PRKCE: variants seen among roughly 807,000 people sequenced by gnomAD.
PRKCE encodes the protein protein kinase C epsilon, also known as protein kinase C epsilon type.
Under a neutral mutation model 85.4 loss-of-function variants are expected in PRKCE, and 16 were observed. That is an observed-to-expected ratio of 0.19 (90% confidence interval 0.13 to 0.28). PRKCE has a LOEUF of 0.28. PRKCE is among the 10% of genes least tolerant of loss of function. The pLI is 1.00. For missense variants in PRKCE, 573 were observed against 975.2 expected (o/e 0.59, Z 5.49); for synonymous variants, 388 against 371.5 (o/e 1.04, Z -0.51).
At chr2:45,835,247 C>T (rs995705203) in intron 1 of PRKCE, among the ~76,000 whole-genome samples, 1 of 152,182 alleles carries the variant, frequency 6.6e-6, no homozygotes, top group Non-Finnish European at 1.5e-5. Flanking sequence ...CGAAATAAAT[C>T]GTTTTTTTCC....
chr2:45,802,632 C>T (rs1451583273), intron 1 of PRKCE, among the ~76,000 whole-genome samples: 2 of 152,184 alleles, frequency 1.3e-5, no homozygotes, highest in African/African-American at 4.8e-5. Context: ...GGAGTAAGCC[C>T]TCCAGGGAAG....
At chr2:45,779,408 C>G (rs532435725) in intron 1 of PRKCE, among the ~76,000 whole-genome samples, 1 of 151,898 alleles carries the variant, frequency 6.6e-6, no homozygotes, top group Non-Finnish European at 1.5e-5. Flanking sequence ...TAGGGATGTC[C>G]GGGGGCGAGG....
At chr2:45,956,506 C>A (rs1167063038) in intron 2 of PRKCE, among the ~76,000 whole-genome samples, 1 of 151,294 alleles carries the variant, frequency 6.6e-6, no homozygotes, top group East Asian at 1.9e-4. Context: ...AATGGTGAAA[C>A]CCTGTCTCTA....
intron 2 of PRKCE, among the ~76,000 whole-genome samples, chr2:45,953,995 C>T (rs2104360032): frequency 6.6e-6 from 1 of 152,302 alleles, no homozygotes; most frequent in South Asian, 2.1e-4. Context: ...AGCTGCCCTT[C>T]CCTACTGCAA....
At chr2:46,182,138 A>T (rs1049054139) in intron 14 of PRKCE, among the ~76,000 whole-genome samples, 5 of 151,314 alleles carry the variant, frequency 3.3e-5, no homozygotes, top group Non-Finnish European at 7.4e-5. Flanking sequence ...GCCTTCTGGG[A>T]TGATACCCAG....
At chr2:45,924,595 C>G (rs996964157) in intron 2 of PRKCE, among the ~76,000 whole-genome samples, 1 of 152,200 alleles carries the variant, frequency 6.6e-6, no homozygotes, top group Admixed American at 6.5e-5. Flanking sequence ...AATGACAGGA[C>G]TCACTTCCCT....
chr2:46,151,279 C>CCACACA (rs750604006), intron 13 of PRKCE, 50 bp downstream of exon 13: 8 of 1,010,524 alleles, frequency 7.9e-6, no homozygotes, highest in African/African-American at 2.5e-5. Context: ...GCTCCTCCCC[C>CCACACA]TACACACACA....
chr2:45,657,539 T>C (rs1006716958), intron 1 of PRKCE, among the ~76,000 whole-genome samples: 1 of 152,138 alleles, frequency 6.6e-6, no homozygotes, highest in Non-Finnish European at 1.5e-5. Context: ...GCCCCCAAAA[T>C]GAGCATGGGG....
At position 46,085,698 on chromosome 2, in the gene PRKCE, A is replaced by G. The variant is rs542848417; in HGVS notation, c.1438-510A>G. Among the ~76,000 whole-genome samples the G allele has an allele frequency of 1.0e-3, 135 of 129,340 alleles. 23 individuals are homozygous for G. The highest frequency in any genetic ancestry group is 3.9e-3 in the African/African-American group (129 of 33,184). The allele number at this position is 129,340 out of a possible 152,430, so 84.9% of individuals were successfully genotyped here. A position where few individuals can be genotyped will look rare whatever the true frequency, so the allele number is the denominator to read the frequency against. On this transcript the variant is annotated intron_variant, in intron 10 of 14. Coordinates refer to ENST00000306156, the MANE Select transcript of PRKCE (RefSeq NM_005400.3). ...GCTGGTAATCCAGGATAACCTCCCT[A>G]TCTCAGGATCCTTCACTTAATTACA...
chr2:46,162,187 T>C (rs1677842597), intron 14 of PRKCE, among the ~76,000 whole-genome samples: 1 of 152,172 alleles, frequency 6.6e-6, no homozygotes, highest in African/African-American at 2.4e-5. Flanking sequence ...TATCCCTGGG[T>C]CAGGGGTCAG....
rs577830862 is a variant in PRKCE at position 45,781,813 on chromosome 2, G to A, written c.349-61187G>A. On this transcript the variant is annotated intron_variant, in intron 1 of 14. Coordinates refer to ENST00000306156, the MANE Select transcript of PRKCE (RefSeq NM_005400.3). ...TGTGGTGTCTAGGACACCACAGTGC[G>A]GGGTTACTTCTGTTAGTTATTAGAA... Among the ~76,000 whole-genome samples, 15 of 152,198 alleles carry A rather than the reference G, an allele frequency of 9.9e-5. No individual in the cohort carries two copies. The South Asian group carries it at 1.0e-3, about 11-fold the overall frequency.
rs1045683199 is a variant in PRKCE, at chr2:46,144,007, G to A, written c.1593-1086G>A. Among the ~76,000 whole-genome samples the A allele has an allele frequency of 2.0e-5, 3 of 152,184 alleles. 1 individual carries two copies. The highest frequency in any genetic ancestry group is 4.4e-5 in the Non-Finnish European group (3 of 68,028). On this transcript the variant is annotated intron_variant, in intron 11 of 14. Coordinates refer to ENST00000306156, the MANE Select transcript of PRKCE (RefSeq NM_005400.3). ...CCTTCTTTGCAAGACCCTTCACCCTGCATCCCAGCATGGCTGTTGCGGGGA... is the reference window on the plus strand; with the variant it reads ...CCTTCTTTGCAAGACCCTTCACCCTACATCCCAGCATGGCTGTTGCGGGGA...
At chr2:45,967,890 T>TA (rs1390631984) in intron 2 of PRKCE, among the ~76,000 whole-genome samples, 3 of 152,146 alleles carry the variant, frequency 2.0e-5, no homozygotes, top group Admixed American at 6.5e-5. Flanking sequence ...TCCAGTCTGC[T>TA]AATACCTCAT....
chr2:45,802,302 A>C (rs1300971654), intron 1 of PRKCE, among the ~76,000 whole-genome samples: 1 of 152,212 alleles, frequency 6.6e-6, no homozygotes, highest in Non-Finnish European at 1.5e-5. Context: ...TAAAGTATGC[A>C]TTTGGTTAAA....
At chr2:45,738,350 C>T (rs1160456342) in intron 1 of PRKCE, among the ~76,000 whole-genome samples, 1 of 152,182 alleles carries the variant, frequency 6.6e-6, no homozygotes, top group East Asian at 1.9e-4. Flanking sequence ...TACACTTCAG[C>T]CAGAAGAGCT....
intron 1 of PRKCE, among the ~76,000 whole-genome samples, chr2:45,673,953 T>A (rs562325428): frequency 6.8e-4 from 103 of 152,350 alleles, no homozygotes; most frequent in African/African-American, 2.3e-3. Context: ...GTGAATATTA[T>A]CCAAGTGCAA....
intron 1 of PRKCE, among the ~76,000 whole-genome samples, chr2:45,755,534 T>C (rs1220949562): frequency 6.6e-6 from 1 of 152,254 alleles, no homozygotes; most frequent in Non-Finnish European, 1.5e-5. Context: ...GCCTCACATT[T>C]TCCTGCCTGG....
chr2:46,016,703 A>G (rs562011017), intron 10 of PRKCE, among the ~76,000 whole-genome samples: 7 of 152,142 alleles, frequency 4.6e-5, no homozygotes, highest in African/African-American at 1.2e-4. Context: ...GAGGTCAGGA[A>G]TTCGAGACCA....
chr2:45,744,469 CTT>C lies in PRKCE; in HGVS notation c.348+92023_348+92024del, dbSNP rs758790383. Among the ~76,000 whole-genome samples the C allele has an allele frequency of 4.4e-3, 223 of 50,756 alleles. 7 individuals carry two copies. Among genetic ancestry groups the C allele is most frequent in the Non-Finnish European group, 6.4e-3 (165 of 25,954 alleles). 33.3% of individuals were successfully genotyped at this position (50,756 alleles called of 152,430 possible). ...TCTTTCTTTCTTTCTTTCTTTCTTT[CTT>C]TCTTTCTTTCTTTCTTTTTCTTTCT... On this transcript the variant is annotated intron_variant, in intron 1 of 14. Coordinates refer to ENST00000306156, the MANE Select transcript of PRKCE (RefSeq NM_005400.3).
Sources: gnomAD v4.1 joint callset for allele counts (sites outside exome capture counted in the v4.1 genomes callset) on GRCh38, gnomAD v4.1.1 for gene constraint, MANE v1.5 for transcripts, NCBI Gene and HGNC (gene_info 2026-07-23, HGNC 2026-07-21) for gene names.